Variants in CFLAR observed in about 807,000 individuals in gnomAD.
CFLAR encodes the protein CASP8 and FADD-like apoptosis regulator.
Under a neutral mutation model 51.1 loss-of-function variants are expected in CFLAR, and 14 were observed. The ratio of observed to expected loss-of-function variants is 0.27; its 90% CI spans 0.18 to 0.43. CFLAR has a LOEUF of 0.43. CFLAR is among the 20% of genes least tolerant of loss of function. The probability of loss-of-function intolerance (pLI) is 1.00; values close to 1 mark genes in which losing one functional copy is unlikely to be tolerated. For synonymous variants in CFLAR, 210 were observed against 211.6 expected (o/e 0.99, Z 0.06); for missense variants, 390 against 566.5 (o/e 0.69, Z 3.16).
chr2:201,142,154 G>A (rs1351185896), intron 5 of CFLAR, among the ~76,000 whole-genome samples: 1 of 151,992 alleles, frequency 6.6e-6, no homozygotes, highest in Non-Finnish European at 1.5e-5. Context: ...TGTGCCTTTA[G>A]TCTCAGCTAC....
At chr2:201,129,676 T>G in intron 1 of CFLAR, 53 bp from the exon 2 acceptor site, 1 of 568,996 alleles carries the variant, frequency 1.8e-6, no homozygotes. Context: ...CTTTCAATCT[T>G]AGGCATAAGT....
chr2:201,135,843 T>G, intron 3 of CFLAR, 129 bp from the exon 4 acceptor site: 1 of 1,296,360 alleles, frequency 7.7e-7, no homozygotes, highest in Non-Finnish European at 1.1e-6. Context: ...CTCAGGCTGG[T>G]CTCAAACTCT....
rs1467861256 is a variant in CFLAR, at chr2:201,135,635, A to G, written c.388-337A>G. On this transcript the variant is annotated intron_variant, in intron 3 of 9. Coordinates refer to ENST00000309955, the MANE Select transcript of CFLAR (RefSeq NM_003879.7). The stretch of plus-strand genomic sequence containing the variant: ...CATTTGGGGCTTATTAGTCAGCTCT[A>G]TTTTTTTTTTTTGAGACAGGGTCTC... 4.8e-5 allele frequency among the ~76,000 whole-genome samples: 7 copies of G among 145,822 alleles called. No individual in the cohort carries two copies. In the East Asian group the frequency reaches 6.0e-4, roughly 13 times the overall value.
rs887096254 is a variant in CFLAR at position 201,176,224 on chromosome 2, C to A, written c.*12251C>A. On this transcript the variant is annotated 3_prime_UTR_variant, in exon 10 of 10. Transcript: ENST00000309955. ...TCCGGGATCTTGTGTTACTTTTCCC[C>A]ACTCCTGAGATCTTTTTGAGAAGCT... 7.2e-6 allele frequency: 1 copy of A among 138,014 alleles called. No homozygotes were observed. Among genetic ancestry groups the A allele is most frequent in the African/African-American group, 2.8e-5 (1 of 35,952 alleles). The allele number at this position is 138,014 out of a possible 1,614,324, so 8.5% of individuals were successfully genotyped here.
intron 1 of CFLAR, among the ~76,000 whole-genome samples, chr2:201,126,505 G>T (rs190931889): frequency 1.3e-5 from 2 of 152,212 alleles, no homozygotes; most frequent in African/African-American, 4.8e-5. Flanking sequence ...TTAGCTAAGG[G>T]AGAGTCAATT....
intron 5 of CFLAR, chr2:201,140,653 A>C: frequency 2.1e-6 from 1 of 482,420 alleles, no homozygotes; most frequent in East Asian, 3.9e-5. Context: ...ATAAAAGAAA[A>C]TAAATCACCT....
intron 4 of CFLAR, chr2:201,140,113 CGGGTGGGCT>C (rs879741190): frequency 1.8e-5 from 2 of 112,814 alleles, no homozygotes; most frequent in Non-Finnish European, 2.8e-5. Flanking sequence ...AGCCAGGCGC[CGGGTGGGCT>C]GGGTGGGCTG....
intron 1 of CFLAR, among the ~76,000 whole-genome samples, chr2:201,127,517 C>T (rs2125644282): frequency 6.6e-6 from 1 of 152,274 alleles, no homozygotes; most frequent in South Asian, 2.1e-4. Context: ...TTATGAGCTT[C>T]CCTAGTCTAA....
chr2:201,169,191 A>G lies in CFLAR; in HGVS notation c.*5218A>G, dbSNP rs982769384. ...CAAAAAGAACAAAGCTGGAAGCATC[A>G]CACTACCCAACTTCAAAGTATACTG... On this transcript the variant is annotated 3_prime_UTR_variant, in exon 10 of 10. Coordinates refer to ENST00000309955, the MANE Select transcript of CFLAR (RefSeq NM_003879.7). 1 of 152,226 alleles carries G rather than the reference A, an allele frequency of 6.6e-6. No individual in the cohort carries two copies. The highest frequency in any genetic ancestry group is 6.5e-5 in the Admixed American group (1 of 15,276). 9.4% of individuals were successfully genotyped at this position (152,226 alleles called of 1,614,324 possible). A position where few individuals can be genotyped will look rare whatever the true frequency, so the allele number is the denominator to read the frequency against.
At chr2:201,147,348 G>A (rs1040224149) in intron 6 of CFLAR, among the ~76,000 whole-genome samples, 1 of 151,982 alleles carries the variant, frequency 6.6e-6, no homozygotes, top group Admixed American at 6.6e-5. Flanking sequence ...GGGCAACATG[G>A]TGAAACCCCG....
Position 201,130,242 on chromosome 2 carries a change from A to T in CFLAR, c.281+96A>T, listed in dbSNP as rs1172064948. 3 of 1,201,186 alleles carry T rather than the reference A, an allele frequency of 2.5e-6. No individual in the cohort carries two copies. The African/African-American group carries it at 4.6e-5, about 18-fold the overall frequency. 74.4% of individuals were successfully genotyped at this position (1,201,186 alleles called of 1,614,324 possible). A position where few individuals can be genotyped will look rare whatever the true frequency, so the allele number is the denominator to read the frequency against. On this transcript the variant is annotated intron_variant, in intron 2 of 9. Coordinates refer to ENST00000309955, the MANE Select transcript of CFLAR (RefSeq NM_003879.7). Reference sequence around the variant, plus strand: ...CAGAAACGAGGATAATAAGAAGTGCAGCCACTTTACTGTCTCTGCCCACTT... The same window carrying T: ...CAGAAACGAGGATAATAAGAAGTGCTGCCACTTTACTGTCTCTGCCCACTT...
chr2:201,145,523 A>G, intron 6 of CFLAR, 91 bp downstream of exon 6: 1 of 812,064 alleles, frequency 1.2e-6, no homozygotes, highest in East Asian at 2.5e-5. Context: ...CATTTCCTTT[A>G]TCTACATAAT....
intron 8 of CFLAR, among the ~76,000 whole-genome samples, chr2:201,159,784 T>C (rs965318671): frequency 2.0e-5 from 3 of 152,238 alleles, no homozygotes; most frequent in Non-Finnish European, 4.4e-5. Flanking sequence ...TTTAATTATA[T>C]CTTCACAGTT....
chr2:201,165,105 T>C lies in CFLAR; in HGVS notation c.*1132T>C, dbSNP rs748242781. ...AATACAAACATTCAGTTTGTAACAATAGCCTTATGATTTAGAGGTTACTTG... is the reference window on the plus strand; with the variant it reads ...AATACAAACATTCAGTTTGTAACAACAGCCTTATGATTTAGAGGTTACTTG... On this transcript the variant is annotated 3_prime_UTR_variant, in exon 10 of 10. Coordinates refer to ENST00000309955, the MANE Select transcript of CFLAR (RefSeq NM_003879.7). 6.6e-6 allele frequency: 1 copy of C among 152,102 alleles called. No homozygotes were observed. Among genetic ancestry groups the C allele is most frequent in the Non-Finnish European group, 1.5e-5 (1 of 68,006 alleles). 9.4% of individuals were successfully genotyped at this position (152,102 alleles called of 1,614,324 possible).
At chr2:201,140,051 G>T in intron 4 of CFLAR, 1 of 278,032 alleles carries the variant, frequency 3.6e-6, no homozygotes, top group South Asian at 2.7e-5. Context: ...CCCGCGACCC[G>T]ACATAAACGC....
chr2:201,130,803 A>G (rs2049229165), intron 2 of CFLAR, among the ~76,000 whole-genome samples: 1 of 152,196 alleles, frequency 6.6e-6, no homozygotes, highest in Non-Finnish European at 1.5e-5. Flanking sequence ...CCAGCCTCTG[A>G]CAGTGTGAGA....
In CFLAR at chr2:201,138,682, T is replaced by C. The variant is rs1040777183; in HGVS notation, c.524-1675T>C. ...TTGGCCTCCAACACATCACCCACAG[T>C]GTGCAAGGGGCTCAGCACCACGGGG... On this transcript the variant is annotated intron_variant, in intron 4 of 9. Transcript: ENST00000309955. The surrounding 1 kb of genome is among the most constrained non-coding windows in gnomAD (Gnocchi z 4.0). The C allele has an allele frequency of 2.7e-5, 25 of 921,714 alleles. No homozygotes were observed. The African/African-American group carries it at 3.7e-4, about 14-fold the overall frequency. The allele number at this position is 921,714 out of a possible 1,614,324, so 57.1% of individuals were successfully genotyped here. A position where few individuals can be genotyped will look rare whatever the true frequency, so the allele number is the denominator to read the frequency against.
chr2:201,122,143 A>C (rs190524140), intron 1 of CFLAR, among the ~76,000 whole-genome samples: 1 of 152,310 alleles, frequency 6.6e-6, no homozygotes, highest in Non-Finnish European at 1.5e-5. Context: ...ATTTTTCTCT[A>C]TCAAATAAAT....
chr2:201,137,864 C>A, intron 4 of CFLAR: 1 of 846,018 alleles, frequency 1.2e-6, no homozygotes, highest in Non-Finnish European at 2.1e-6. Flanking sequence ...AGAAGAAGCA[C>A]TCGCCGGGGG....
Sources: gnomAD v4.1 joint callset for allele counts (sites outside exome capture counted in the v4.1 genomes callset) on GRCh38, gnomAD v4.1.1 for gene constraint, Gnocchi (gnomAD v3.1) non-coding constraint, MANE v1.5 for transcripts, NCBI Gene and HGNC (gene_info 2026-07-23, HGNC 2026-07-21) for gene names.